FYCO1: variants seen among roughly 807,000 people sequenced by gnomAD.
The protein encoded by FYCO1 is FYVE and coiled-coil domain-containing protein 1.
In FYCO1, 122 loss-of-function variants were observed where a neutral mutation model predicts 165.1. The ratio of observed to expected loss-of-function variants is 0.74; its 90% CI spans 0.64 to 0.86. The LOEUF is 0.86. Ranked by LOEUF, FYCO1 falls within the 40% of genes least tolerant of loss-of-function variation. FYCO1 has a pLI of 0.00. For synonymous variants in FYCO1, 648 were observed against 742.5 expected (o/e 0.87, Z 2.07); for missense variants, 1,702 against 1,810.3 (o/e 0.94, Z 1.09).
At position 45,985,009 on chromosome 3, in the gene FYCO1, C is replaced by T. The variant is rs1707244012; in HGVS notation, c.-99G>A. The T allele has an allele frequency of 2.6e-6, 3 of 1,134,422 alleles. No individual in the cohort carries two copies. The highest frequency in any genetic ancestry group is 4.0e-6 in the Non-Finnish European group (3 of 743,050). The allele number at this position is 1,134,422 out of a possible 1,614,324, so 70.3% of individuals were successfully genotyped here. A position where few individuals can be genotyped will look rare whatever the true frequency, so the allele number is the denominator to read the frequency against. ...GGCTGTCTGCTCAGCAGTGGTCAGA[C>T]TCCATGGTGGCACCTGCACAGAGGA... On this transcript the variant is annotated 5_prime_UTR_variant, in exon 2 of 18. Transcript: ENST00000296137.
intron 1 of FYCO1, among the ~76,000 whole-genome samples, chr3:45,989,938 G>T (rs1374973759): frequency 6.6e-6 from 1 of 152,174 alleles, no homozygotes; most frequent in Non-Finnish European, 1.5e-5. Context: ...AAATATCCAA[G>T]AGGTGACAAT....
At chr3:45,963,228 G>GCACA (rs139682068) in intron 10 of FYCO1, among the ~76,000 whole-genome samples, 6 of 151,634 alleles carry the variant, frequency 4.0e-5, no homozygotes, top group Non-Finnish European at 7.4e-5. Flanking sequence ...GTGTGTGCTT[G>GCACA]CACACACACA....
intron 4 of FYCO1, among the ~76,000 whole-genome samples, chr3:45,976,672 C>T (rs1260545858): frequency 1.3e-5 from 2 of 152,182 alleles, no homozygotes; most frequent in East Asian, 3.8e-4. Flanking sequence ...TTAATTCCAA[C>T]ACTATATTGA....
intron 14 of FYCO1, among the ~76,000 whole-genome samples, chr3:45,953,377 C>G (rs1304876165): frequency 6.6e-6 from 1 of 152,200 alleles, no homozygotes; most frequent in Admixed American, 6.5e-5. Flanking sequence ...AGGTTCTGAA[C>G]AGCCAGTGCT....
rs375989077 is a variant in FYCO1, at chr3:45,947,106, G to A, written c.3944+8143C>T. On this transcript the variant is annotated intron_variant, in intron 14 of 17. Transcript: ENST00000296137. ...CTTCTTGCCACTGCTCACCATGATT[G>A]TCTGCTATTCAGTCATAATCAAAAC... The A allele has an allele frequency of 2.5e-5, 40 of 1,614,102 alleles. No homozygotes were observed. Among genetic ancestry groups the A allele is most frequent in the Non-Finnish European group, 3.1e-5 (37 of 1,180,056 alleles).
intron 6 of FYCO1, among the ~76,000 whole-genome samples, chr3:45,972,719 T>C (rs1315549429): frequency 6.6e-6 from 1 of 152,226 alleles, no homozygotes; most frequent in Non-Finnish European, 1.5e-5. Flanking sequence ...GCTGTGGCTT[T>C]CACTTCCTCT....
At chr3:45,938,355 G>A in intron 14 of FYCO1, 1 of 563,428 alleles carries the variant, frequency 1.8e-6, no homozygotes, top group Non-Finnish European at 3.0e-6. Flanking sequence ...CAAACTGTAG[G>A]TCATGACCCA....
intron 1 of FYCO1, among the ~76,000 whole-genome samples, chr3:45,994,444 T>C (rs1707701096): frequency 6.6e-6 from 1 of 152,110 alleles, no homozygotes; most frequent in East Asian, 1.9e-4. Context: ...CAAAGGAGGC[T>C]GAGATCCATC....
chr3:45,983,905 A>G (rs1707182630), intron 2 of FYCO1, among the ~76,000 whole-genome samples: 1 of 152,218 alleles, frequency 6.6e-6, no homozygotes, highest in African/African-American at 2.4e-5. Flanking sequence ...AAAGCCTGAG[A>G]AAATGTTTTT....
intron 16 of FYCO1, among the ~76,000 whole-genome samples, chr3:45,928,809 C>T (rs1361729316): frequency 6.6e-6 from 1 of 152,030 alleles, no homozygotes; most frequent in Non-Finnish European, 1.5e-5. Flanking sequence ...CCTGGAATCA[C>T]AAATGTCTAT....
Position 45,930,922 on chromosome 3 carries a change from C to T in FYCO1, c.4251+149G>A, listed in dbSNP as rs1015169610. 3 of 767,588 alleles carry T rather than the reference C, an allele frequency of 3.9e-6. No individual in the cohort carries two copies. The African/African-American group carries it at 5.2e-5, about 13-fold the overall frequency. 47.5% of individuals were successfully genotyped at this position (767,588 alleles called of 1,614,324 possible). A position where few individuals can be genotyped will look rare whatever the true frequency, so the allele number is the denominator to read the frequency against. ...CCAAACTGGACAAGGCCCAGGTGCT[C>T]TGCCTTCTCTGCATGATACTGCCCA... is the stretch of plus-strand genomic sequence containing the variant. On this transcript the variant is annotated intron_variant, in intron 16 of 17. Transcript: ENST00000296137.
chr3:45,967,471 C>T lies in FYCO1; in HGVS notation c.1863G>A (p.Leu621=). The T allele has an allele frequency of 1.2e-6, 2 of 1,613,734 alleles. No individual in the cohort carries two copies. The highest frequency in any genetic ancestry group is 1.7e-6 in the Non-Finnish European group (2 of 1,180,012). Residue 621 remains leucine (L), a synonymous_variant, in exon 8 of 18, where the codon CTG becomes CTA. Transcript: ENST00000296137. ...EEELRQANRE[L]EKELQNVVGR... ...CGACCACATTCTGTAGCTCCTTCTC[C>T]AGCTCCCTGTTGGCCTGCCGGAGCT...
At chr3:45,924,420 G>A (rs1446341583) in intron 16 of FYCO1, among the ~76,000 whole-genome samples, 1 of 152,052 alleles carries the variant, frequency 6.6e-6, no homozygotes, top group Non-Finnish European at 1.5e-5. Context: ...ATTTTTGAAG[G>A]GCCTCACTGT....
chr3:45,960,380 C>T (rs1011244111), intron 11 of FYCO1, among the ~76,000 whole-genome samples: 1 of 152,216 alleles, frequency 6.6e-6, no homozygotes, highest in Non-Finnish European at 1.5e-5. Flanking sequence ...TCCCAATCAA[C>T]CCCAGATCTT....
intron 7 of FYCO1, 146 bp from the exon 8 acceptor site, chr3:45,968,849 G>C (rs1341351341): frequency 5.1e-6 from 5 of 974,196 alleles, no homozygotes; most frequent in Non-Finnish European, 7.7e-6. Flanking sequence ...CAAAAGACTA[G>C]AATCCCTTTG....
At position 45,964,954 on chromosome 3, in the gene FYCO1, C is replaced by T; in HGVS notation, c.3150+79G>A. On this transcript the variant is annotated intron_variant, in intron 9 of 17. Coordinates refer to ENST00000296137, the MANE Select transcript of FYCO1 (RefSeq NM_024513.4). This position sits in a 1 kb window ranked among gnomAD's most constrained non-coding sequence, Gnocchi z 4.1. Reference sequence around the variant, plus strand: ...TTCAGCTTGGGAATCTGGAGGCATGCAGGGAGCCCTCTTAAATGGTCCAGT... The same window carrying T: ...TTCAGCTTGGGAATCTGGAGGCATGTAGGGAGCCCTCTTAAATGGTCCAGT... 3 of 1,132,862 alleles carry T rather than the reference C, an allele frequency of 2.6e-6. No homozygotes were observed. Among genetic ancestry groups the T allele is most frequent in the Non-Finnish European group, 2.7e-6 (2 of 754,370 alleles). The allele number at this position is 1,132,862 out of a possible 1,614,324, so 70.2% of individuals were successfully genotyped here.
chr3:45,943,910 T>C (rs1423922869), intron 14 of FYCO1, among the ~76,000 whole-genome samples: 1 of 152,180 alleles, frequency 6.6e-6, no homozygotes, highest in East Asian at 1.9e-4. Flanking sequence ...TTTTATCAGA[T>C]TATCATTTAT....
chr3:45,974,191 C>G (rs1257758277), intron 5 of FYCO1, among the ~76,000 whole-genome samples: 1 of 152,158 alleles, frequency 6.6e-6, no homozygotes, highest in African/African-American at 2.4e-5. Context: ...CCAAGCTGGG[C>G]AACATAGTGA....
intron 3 of FYCO1, among the ~76,000 whole-genome samples, chr3:45,980,301 G>T (rs933046311): frequency 3.3e-5 from 5 of 151,516 alleles, no homozygotes; most frequent in African/African-American, 1.2e-4. Flanking sequence ...GTGAGCCAAG[G>T]TTGCACCACT....
Sources: gnomAD v4.1 joint callset for allele counts (sites outside exome capture counted in the v4.1 genomes callset) on GRCh38, gnomAD v4.1.1 for gene constraint, Gnocchi (gnomAD v3.1) non-coding constraint, MANE v1.5 for transcripts, NCBI Gene and HGNC (gene_info 2026-07-23, HGNC 2026-07-21) for gene names.